FSD1L: variants seen among roughly 807,000 people sequenced by gnomAD.
FSD1L encodes fibronectin type III and SPRY domain containing 1 like, also known as FSD1-like protein.
A neutral mutation model predicts 71.6 loss-of-function variants in FSD1L; 45 were observed. That is an observed-to-expected ratio of 0.63 (90% CI 0.49 to 0.81). FSD1L has a LOEUF of 0.81. Among genes scored for constraint, FSD1L ranks in the 30% least tolerant of loss-of-function variants. The probability of loss-of-function intolerance (pLI) is 0.00; values close to 1 mark genes in which losing one functional copy is unlikely to be tolerated. For synonymous variants in FSD1L, 197 were observed against 207.2 expected, an observed-to-expected ratio of 0.95 and a Z score of 0.42; for missense variants, 561 against 618.1, an observed-to-expected ratio of 0.91 and a Z score of 0.98.
At chr9:105,460,049 GT>G (rs990444295) in intron 1 of FSD1L, among the ~76,000 whole-genome samples, 1 of 152,178 alleles carries the variant, frequency 6.6e-6, no homozygotes, top group Non-Finnish European at 1.5e-5. Flanking sequence ...ATGAGACTGT[GT>G]TTCTCAGAAA....
At chr9:105,455,369 T>C (rs1830297745) in intron 1 of FSD1L, among the ~76,000 whole-genome samples, 1 of 152,208 alleles carries the variant, frequency 6.6e-6, no homozygotes, top group South Asian at 2.1e-4. Context: ...TTGAACCTGG[T>C]GCCATCCCCA....
chr9:105,466,558 T>G (rs763352493), intron 3 of FSD1L, among the ~76,000 whole-genome samples: 1 of 152,102 alleles, frequency 6.6e-6, no homozygotes, highest in Non-Finnish European at 1.5e-5. Context: ...CTGGTCGTGG[T>G]GGCAAGCGCC....
rs1206989377 is a variant in FSD1L at position 105,504,966 on chromosome 9, CCT to C, written c.587-1432_587-1431del. 1.2e-4 allele frequency among the ~76,000 whole-genome samples: 19 copies of C among 152,230 alleles called. No homozygotes were observed. In the East Asian group the frequency reaches 2.5e-3, roughly 20 times the overall value. ...ACTACCTCCTCCATATACAATTTCC[CCT>C]GTTATTACTATTCTGCATTAGTGGG... On this transcript the variant is annotated intron_variant, in intron 7 of 13. Coordinates refer to ENST00000481272, the MANE Select transcript of FSD1L (RefSeq NM_001145313.3).
At chr9:105,453,046 T>C (rs1237906585) in intron 1 of FSD1L, among the ~76,000 whole-genome samples, 2 of 88,800 alleles carry the variant, frequency 2.3e-5, no homozygotes, top group East Asian at 2.9e-3. Flanking sequence ...CTAAAGTTGT[T>C]TTTTTTTTTT....
intron 7 of FSD1L, among the ~76,000 whole-genome samples, chr9:105,486,384 C>T (rs937784761): frequency 6.6e-6 from 1 of 151,986 alleles, no homozygotes; most frequent in African/African-American, 2.4e-5. Context: ...TGGTAAGAAG[C>T]TGGATTTTAT....
At chr9:105,479,331 T>C (rs1463992380) in intron 5 of FSD1L, 23 bp from the exon 6 acceptor site, 2 of 1,550,446 alleles carry the variant, frequency 1.3e-6, no homozygotes, top group South Asian at 2.4e-5. Flanking sequence ...GCCTTCTTTC[T>C]CTTCTCCCTG....
upstream of FSD1L, among the ~76,000 whole-genome samples, chr9:105,444,592 G>A (rs1446153776): frequency 6.6e-6 from 1 of 152,332 alleles, no homozygotes; most frequent in Non-Finnish European, 1.5e-5. Context: ...GGTTCTGGGA[G>A]AGACAGTTTT....
At chr9:105,468,350 T>C (rs1345897341) in intron 4 of FSD1L, 26 bp downstream of exon 4, 1 of 1,462,566 alleles carries the variant, frequency 6.8e-7, no homozygotes, top group East Asian at 2.8e-5. Flanking sequence ...TATTGAAATA[T>C]GGATAATTTT....
intron 7 of FSD1L, among the ~76,000 whole-genome samples, chr9:105,500,955 A>G (rs1406765923): frequency 2.6e-5 from 4 of 152,238 alleles, no homozygotes; most frequent in Non-Finnish European, 4.4e-5. Context: ...ATTTTAGGAA[A>G]TAGTAACTCT....
chr9:105,474,051 T>C (rs770649460), intron 5 of FSD1L, among the ~76,000 whole-genome samples: 1 of 152,204 alleles, frequency 6.6e-6, no homozygotes, highest in Non-Finnish European at 1.5e-5. Context: ...CATGTGTCGC[T>C]TAACGAGGAT....
chr9:105,489,893 C>G (rs1222425660), intron 7 of FSD1L, among the ~76,000 whole-genome samples: 1 of 152,182 alleles, frequency 6.6e-6, no homozygotes, highest in Non-Finnish European at 1.5e-5. Context: ...TTTTCTTAAT[C>G]CAGTCTATCA....
rs540665450 is a variant in FSD1L, at chr9:105,522,921, C to T, written c.1025+9985C>T. 5 of 1,611,968 alleles carry T rather than the reference C, an allele frequency of 3.1e-6. No homozygotes were observed. The African/African-American group carries it at 6.7e-5, about 22-fold the overall frequency. On this transcript the variant is annotated intron_variant, in intron 10 of 13. Transcript: ENST00000481272. ...GCGCCCTATTGATGACCCAGGTGTG[C>T]CCTCAGAATGGACTTCTCCTGCCAG... is the stretch of plus-strand genomic sequence containing the variant.
At position 105,498,919 on chromosome 9, in the gene FSD1L, A is replaced by G. The variant is rs922138127; in HGVS notation, c.587-7480A>G. On this transcript the variant is annotated intron_variant, in intron 7 of 13. Coordinates refer to ENST00000481272, the MANE Select transcript of FSD1L (RefSeq NM_001145313.3). ...AGGCATGAGCCACCGCGCCCATGCTAGAAGTGGGTTGTTTAATCTCAAAGT... is the reference window on the plus strand; with the variant it reads ...AGGCATGAGCCACCGCGCCCATGCTGGAAGTGGGTTGTTTAATCTCAAAGT... Among the ~76,000 whole-genome samples the G allele has an allele frequency of 1.1e-4, 17 of 152,294 alleles. No homozygotes were observed. In the East Asian group the frequency reaches 2.9e-3, roughly 26 times the overall value.
chr9:105,544,567 A>G lies in FSD1L; in HGVS notation c.1468-1791A>G, dbSNP rs568903499. 4.9e-4 allele frequency among the ~76,000 whole-genome samples: 75 copies of G among 152,216 alleles called. No individual in the cohort carries two copies. The East Asian group carries it at 0.011, about 22-fold the overall frequency. On this transcript the variant is annotated intron_variant, in intron 13 of 13. Transcript: ENST00000481272. ...GGGTTTTTATGGTTTTAGGTCTAAC[A>G]TTTAAGTCTTTAATCCATCTTGAAT...
chr9:105,488,043 T>G (rs559857496), intron 7 of FSD1L, among the ~76,000 whole-genome samples: 5 of 152,190 alleles, frequency 3.3e-5, no homozygotes, highest in Non-Finnish European at 7.4e-5. Flanking sequence ...CTGAAAAGTC[T>G]ATAGTTTACA....
chr9:105,492,768 A>C (rs1466152648), intron 7 of FSD1L, among the ~76,000 whole-genome samples: 1 of 152,166 alleles, frequency 6.6e-6, no homozygotes, highest in Non-Finnish European at 1.5e-5. Context: ...CCCAGTAGTC[A>C]TTCAGGAGCA....
intron 7 of FSD1L, among the ~76,000 whole-genome samples, chr9:105,486,343 G>C (rs1832547470): frequency 6.6e-6 from 1 of 151,414 alleles, no homozygotes; most frequent in South Asian, 2.1e-4. Context: ...AAAATGGTTT[G>C]TTCTTTTCAA....
chr9:105,531,172 G>A (rs148229937), intron 10 of FSD1L, among the ~76,000 whole-genome samples: 1,798 of 152,294 alleles, frequency 0.012, 52 homozygotes, highest in African/African-American at 0.041. Flanking sequence ...AACCAGACAT[G>A]TGTTTCTCAA....
At chr9:105,448,003 G>C (rs1376284873), upstream of FSD1L, 2 of 558,256 alleles carry the variant, frequency 3.6e-6, no homozygotes, top group Non-Finnish European at 6.3e-6. Context: ...GGCGCGGTGC[G>C]CTCCTCAGCC....
Sources: allele counts gnomAD v4.1 joint callset (sites outside exome capture counted in the v4.1 genomes callset), GRCh38; gene constraint gnomAD v4.1.1; transcripts MANE v1.5; gene names NCBI Gene and HGNC (gene_info 2026-07-23, HGNC 2026-07-21).